Variants in NAV3 observed in about 807,000 individuals in gnomAD.
NAV3 encodes the protein neuron navigator 3, also known as pore membrane and/or filament interacting like protein 1.
NAV3 carries 87 observed loss-of-function variants against 244.7 expected under a neutral mutation model. The observed-to-expected ratio is 0.36, with a 90% CI of 0.30 to 0.42. The LOEUF (loss-of-function observed/expected upper bound fraction) is 0.42. Among genes scored for constraint, NAV3 ranks in the 20% least tolerant of loss-of-function variants. The pLI is 1.00. For missense variants in NAV3, 2,663 were observed against 2,893.3 expected (o/e 0.92, Z 1.83); for synonymous variants, 1,126 against 1,042.2 (o/e 1.08, Z -1.55).
Position 77,749,727 on chromosome 12 carries a change from C to T in NAV3, c.72+177461C>T, listed in dbSNP as rs1419838636. Reference sequence around the variant, plus strand: ...ACAGTAAAGATCAAAAGAAGTCATGCACTTGTTGCATTCTGTGATATTTAG... The same window carrying T: ...ACAGTAAAGATCAAAAGAAGTCATGTACTTGTTGCATTCTGTGATATTTAG... On this transcript the variant is annotated intron_variant, in intron 2 of 8. Coordinates refer to the NAV3 transcript ENST00000550042. Among the ~76,000 whole-genome samples the T allele has an allele frequency of 3.3e-5, 5 of 152,138 alleles. 1 individual carries two copies. The highest frequency in any genetic ancestry group is 1.2e-4 in the African/African-American group (5 of 41,510).
At chr12:77,864,016 TG>T (rs1336447846) in intron 1 of NAV3, among the ~76,000 whole-genome samples, 2 of 151,840 alleles carry the variant, frequency 1.3e-5, no homozygotes, top group Non-Finnish European at 2.9e-5. Flanking sequence ...ACAACTTTTA[TG>T]GCAGAGATTA....
intron 35 of NAV3, among the ~76,000 whole-genome samples, chr12:78,197,878 C>A (rs975240033): frequency 1.3e-5 from 2 of 151,698 alleles, no homozygotes; most frequent in Non-Finnish European, 3.0e-5. Context: ...CTAACTGGAG[C>A]CTTTAGAGCT....
At chr12:77,670,178 T>C (rs1651305741) in intron 2 of NAV3, among the ~76,000 whole-genome samples, 2 of 152,070 alleles carry the variant, frequency 1.3e-5, no homozygotes, top group South Asian at 4.1e-4. Flanking sequence ...TTTACATGCA[T>C]AACCTAGAAA....
At chr12:77,640,859 A>T (rs11106085) in intron 2 of NAV3, among the ~76,000 whole-genome samples, 20,812 of 152,120 alleles carry the variant, frequency 0.14, 2,471 homozygotes, top group African/African-American at 0.32. Flanking sequence ...CCAAGTAAAC[A>T]TGGATATGAG....
At chr12:78,197,546 G>A in intron 35 of NAV3, 145 bp downstream of exon 35, 3 of 545,242 alleles carry the variant, frequency 5.5e-6, no homozygotes, top group Non-Finnish European at 6.1e-6. Flanking sequence ...CATATTGATT[G>A]TGTACACCAT....
chr12:78,146,675 A>G (rs1186157608), intron 21 of NAV3, among the ~76,000 whole-genome samples: 1 of 152,106 alleles, frequency 6.6e-6, no homozygotes, highest in East Asian at 1.9e-4. Flanking sequence ...TCATTGATAA[A>G]TGAAGGTCTA....
At chr12:78,005,503 G>T (rs569363169) in intron 7 of NAV3, among the ~76,000 whole-genome samples, 1 of 152,288 alleles carries the variant, frequency 6.6e-6, no homozygotes, top group East Asian at 1.9e-4. Flanking sequence ...AAGATTGTTG[G>T]CAATGCAGAA....
chr12:78,193,220 T>A (rs1959059074), intron 34 of NAV3, among the ~76,000 whole-genome samples: 1 of 152,206 alleles, frequency 6.6e-6, no homozygotes, highest in Non-Finnish European at 1.5e-5. Flanking sequence ...CACTTTACAT[T>A]CTGTTCCTCT....
intron 2 of NAV3, among the ~76,000 whole-genome samples, chr12:77,613,618 T>C (rs1444848392): frequency 2.0e-5 from 3 of 152,186 alleles, no homozygotes; most frequent in Non-Finnish European, 2.9e-5. Context: ...AGTATTCTTC[T>C]AGCACTCCTG....
At chr12:77,916,728 G>T (rs1260326036) in intron 1 of NAV3, among the ~76,000 whole-genome samples, 6 of 151,978 alleles carry the variant, frequency 3.9e-5, no homozygotes, top group African/African-American at 7.2e-5. Context: ...AAGAGGTGCT[G>T]ATTTTCATTA....
intron 9 of NAV3, among the ~76,000 whole-genome samples, chr12:78,035,733 T>C (rs575573565): frequency 2.0e-5 from 3 of 152,210 alleles, no homozygotes; most frequent in Non-Finnish European, 4.4e-5. Context: ...TATTTCCTTT[T>C]TGTTTTTACA....
At chr12:77,944,014 A>G (rs1466836289) in intron 3 of NAV3, among the ~76,000 whole-genome samples, 1 of 152,224 alleles carries the variant, frequency 6.6e-6, no homozygotes, top group Non-Finnish European at 1.5e-5. Context: ...AGTACAAAGT[A>G]TAATAACATT....
At chr12:78,137,819 G>A (rs1297657316) in intron 19 of NAV3, among the ~76,000 whole-genome samples, 1 of 151,934 alleles carries the variant, frequency 6.6e-6, no homozygotes, top group Non-Finnish European at 1.5e-5. Context: ...AATTCATATT[G>A]TACCTACTTT....
chr12:77,775,042 C>T (rs752845604), intron 2 of NAV3, among the ~76,000 whole-genome samples: 14 of 152,072 alleles, frequency 9.2e-5, no homozygotes, highest in Non-Finnish European at 1.9e-4. Flanking sequence ...TAGGCATGGA[C>T]GTTACCATTT....
At chr12:77,589,180 A>G (rs147107216) in intron 2 of NAV3, among the ~76,000 whole-genome samples, 128 of 152,258 alleles carry the variant, frequency 8.4e-4, no homozygotes, top group African/African-American at 2.8e-3. Context: ...AATAGGAAAA[A>G]CACTTTGGGA....
chr12:77,741,148 CA>C, intron 2 of NAV3, among the ~76,000 whole-genome samples: 2,192 of 68,652 alleles, frequency 0.032, 34 homozygotes, highest in Middle Eastern at 0.071. Context: ...AAAAAAAAGA[CA>C]AAAAAAAAAA....
At position 78,004,480 on chromosome 12, in the gene NAV3, A is replaced by G. The variant is rs1873863667; in HGVS notation, c.881-1939A>G. Among the ~76,000 whole-genome samples the G allele has an allele frequency of 2.0e-5, 3 of 152,234 alleles. No homozygotes were observed. In the South Asian group the frequency reaches 6.2e-4, roughly 32 times the overall value. Reference sequence around the variant, plus strand: ...TTTTGGAATGCCTTTAAATATGTGCATTAGAAATCTGTTATTTTCCCCATG... The same window carrying G: ...TTTTGGAATGCCTTTAAATATGTGCGTTAGAAATCTGTTATTTTCCCCATG... On this transcript the variant is annotated intron_variant, in intron 7 of 39. Transcript: ENST00000397909.
intron 2 of NAV3, among the ~76,000 whole-genome samples, chr12:77,740,295 T>G (rs1230106639): frequency 6.6e-6 from 1 of 152,196 alleles, no homozygotes; most frequent in Non-Finnish European, 1.5e-5. Context: ...ACATTTCTAA[T>G]GTGGGGTAAA....
Position 78,007,315 on chromosome 12 carries a change from C to T in NAV3, c.1777C>T (p.Pro593Ser), listed in dbSNP as rs774270770. ...AGGAAGGGAAGCTGGCCAAGCTTCT[C>T]CTTCTGGTTCCTGTACCATGACAGT... is the stretch of plus-strand genomic sequence containing the variant. ...LEGREAGQAS[P>S]SGSCTMTVAQ... The change falls in exon 8 of 40, where the codon CCT (proline) becomes TCT (serine). Residue 593 changes from proline to serine, a missense_variant. Transcript: ENST00000397909. 78 of 1,614,066 alleles carry T rather than the reference C, an allele frequency of 4.8e-5. No homozygotes were observed. Among genetic ancestry groups the T allele is most frequent in the Non-Finnish European group, 6.5e-5 (77 of 1,180,048 alleles).
Sources: allele counts gnomAD v4.1 joint callset (sites outside exome capture counted in the v4.1 genomes callset), GRCh38; gene constraint gnomAD v4.1.1; transcripts MANE v1.5; gene names NCBI Gene and HGNC (gene_info 2026-07-23, HGNC 2026-07-21).